The following LHPP variants were observed in gnomAD, a reference collection of about 807,000 sequenced individuals.
LHPP encodes phospholysine phosphohistidine inorganic pyrophosphate phosphatase.
A neutral mutation model predicts 30.3 loss-of-function variants in LHPP; 24 were observed. The ratio of observed to expected loss-of-function variants is 0.79; its 90% confidence interval spans 0.57 to 1.11. The LOEUF (loss-of-function observed/expected upper bound fraction) is 1.11, where lower values mean the gene tolerates loss of function less well. Among genes scored for constraint, LHPP ranks in the 50% most tolerant of loss-of-function variants. The pLI is 0.00. For synonymous variants in LHPP, 150 were observed against 157.1 expected (o/e 0.95, Z 0.34); for missense variants, 356 against 367.2 (o/e 0.97, Z 0.25).
intron 6 of LHPP, among the ~76,000 whole-genome samples, chr10:124,552,149 G>A (rs2133960177): frequency 6.6e-6 from 1 of 152,246 alleles, no homozygotes; most frequent in East Asian, 1.9e-4. Context: ...TTGCCCTCCA[G>A]CCTTTCCCCA....
chr10:124,527,551 C>T (rs11245259), intron 6 of LHPP, among the ~76,000 whole-genome samples: 79,363 of 152,042 alleles, frequency 0.52, 21,378 homozygotes, highest in South Asian at 0.68. Flanking sequence ...CTGGGGTGCC[C>T]TTTGCCCAGG....
At chr10:124,490,037 G>T (rs1953473005) in intron 3 of LHPP, 2 of 171,982 alleles carry the variant, frequency 1.2e-5, no homozygotes, top group Admixed American at 6.4e-5. Flanking sequence ...CTGTCTGTGG[G>T]TATCTCTCCC....
intron 6 of LHPP, among the ~76,000 whole-genome samples, chr10:124,587,759 A>AAAAAAC (rs1948824485): frequency 1.4e-5 from 2 of 143,114 alleles, no homozygotes; most frequent in African/African-American, 2.6e-5. Flanking sequence ...AAAAAAAAAA[A>AAAAAAC]AAAAAACCAA....
intron 5 of LHPP, among the ~76,000 whole-genome samples, chr10:124,513,337 G>A (rs983950755): frequency 2.6e-5 from 4 of 152,050 alleles, no homozygotes; most frequent in African/African-American, 9.7e-5. Context: ...TGGAATTACA[G>A]GCATGAGTCA....
At chr10:124,599,212 C>T (rs1291809760) in intron 6 of LHPP, among the ~76,000 whole-genome samples, 1 of 152,172 alleles carries the variant, frequency 6.6e-6, no homozygotes, top group Non-Finnish European at 1.5e-5. Context: ...CATCCGTCCC[C>T]AGCCATCCAT....
At chr10:124,604,946 G>A (rs1044190705) in intron 6 of LHPP, among the ~76,000 whole-genome samples, 4 of 152,242 alleles carry the variant, frequency 2.6e-5, no homozygotes, top group South Asian at 2.1e-4. Context: ...TGGGAGTCCC[G>A]GGCAGCTCAG....
chr10:124,566,168 C>T (rs1948487669), intron 6 of LHPP, among the ~76,000 whole-genome samples: 1 of 152,244 alleles, frequency 6.6e-6, no homozygotes, highest in Non-Finnish European at 1.5e-5. Flanking sequence ...TCACCTTCTC[C>T]AGTTACTTGA....
intron 6 of LHPP, among the ~76,000 whole-genome samples, chr10:124,608,634 G>A (rs1949126157): frequency 6.6e-6 from 1 of 152,322 alleles, no homozygotes. Flanking sequence ...TTTTGCCAGG[G>A]GGCTGATTTA....
At position 124,497,308 on chromosome 10, in the gene LHPP, G is replaced by GC. The variant is rs3842243; in HGVS notation, c.531+291dup. 2.0e-3 allele frequency among the ~76,000 whole-genome samples: 164 copies of GC among 82,164 alleles called. 4 individuals carry two copies. Among genetic ancestry groups the GC allele is most frequent in the Middle Eastern group, 6.2e-3 (1 of 162 alleles). 53.9% of individuals were successfully genotyped at this position (82,164 alleles called of 152,430 possible). A position where few individuals can be genotyped will look rare whatever the true frequency, so the allele number is the denominator to read the frequency against. ...TCCTCCCCATCCTCCAGTGGGCGCA[G>GC]CCCCCCCTGCCCGCCGTGGACCCTG... On this transcript the variant is annotated intron_variant, in intron 4 of 6. Coordinates refer to ENST00000368842, the MANE Select transcript of LHPP (RefSeq NM_022126.4).
chr10:124,475,016 G>A (rs917122810), intron 1 of LHPP, among the ~76,000 whole-genome samples: 4 of 88,130 alleles, frequency 4.5e-5, no homozygotes, highest in Non-Finnish European at 9.0e-5. Context: ...AAATGTGCCA[G>A]GTGCTTCTCA....
intron 3 of LHPP, among the ~76,000 whole-genome samples, chr10:124,489,072 G>A (rs1056403216): frequency 2.6e-5 from 4 of 152,198 alleles, no homozygotes; most frequent in South Asian, 2.1e-4. Flanking sequence ...TCAGTGTTTT[G>A]TCTGAGCCTT....
At chr10:124,555,019 G>C (rs993921233) in intron 6 of LHPP, among the ~76,000 whole-genome samples, 1 of 152,218 alleles carries the variant, frequency 6.6e-6, no homozygotes, top group Non-Finnish European at 1.5e-5. Flanking sequence ...TCTCACTTTA[G>C]GGTGAGGAAA....
rs562804272 is a variant in LHPP, at chr10:124,462,170, C to T, written c.125+183C>T. Among the ~76,000 whole-genome samples the T allele has an allele frequency of 3.3e-5, 5 of 152,292 alleles. No homozygotes were observed. In the South Asian group the frequency reaches 1.0e-3, roughly 32 times the overall value. On this transcript the variant is annotated intron_variant, in intron 1 of 6. Coordinates refer to ENST00000368842, the MANE Select transcript of LHPP (RefSeq NM_022126.4). Reference sequence around the variant, plus strand: ...CGGACGACCCCACTGTTGCCCCCGGCGAGCACCAGGACTCTGCTGGTTAGG... The same window carrying T: ...CGGACGACCCCACTGTTGCCCCCGGTGAGCACCAGGACTCTGCTGGTTAGG...
intron 1 of LHPP, among the ~76,000 whole-genome samples, chr10:124,469,760 T>G (rs1340297303): frequency 3.9e-5 from 6 of 151,918 alleles, no homozygotes; most frequent in Admixed American, 1.3e-4. Context: ...AGTGAACAGG[T>G]GGAGCCGATG....
At chr10:124,503,131 G>T (rs751211168) in intron 5 of LHPP, among the ~76,000 whole-genome samples, 2 of 150,986 alleles carry the variant, frequency 1.3e-5, no homozygotes, top group Non-Finnish European at 2.9e-5. Context: ...GTGCAGTGGT[G>T]CCTGGGCTCA....
In LHPP at chr10:124,584,118, T is replaced by G. The variant is rs1318002793; in HGVS notation, c.717-29146T>G. ...CCAATTTGGGGAGTGTCTTAGTCCA[T>G]TTGTGCTGCTATAACAAAATACCTG... On this transcript the variant is annotated intron_variant, in intron 6 of 6. Coordinates refer to ENST00000368842, the MANE Select transcript of LHPP (RefSeq NM_022126.4). Among the ~76,000 whole-genome samples, 7 of 152,174 alleles carry G rather than the reference T, an allele frequency of 4.6e-5. No homozygotes were observed. In the East Asian group the frequency reaches 1.2e-3, roughly 25 times the overall value.
chr10:124,469,107 T>G (rs1426902702), intron 1 of LHPP, among the ~76,000 whole-genome samples: 1 of 152,078 alleles, frequency 6.6e-6, no homozygotes, highest in African/African-American at 2.4e-5. Flanking sequence ...CTCCTTGATA[T>G]GTACAGCCTG....
chr10:124,463,820 C>CT (rs35122241), intron 1 of LHPP, among the ~76,000 whole-genome samples: 6,412 of 120,612 alleles, frequency 0.053, 259 homozygotes, highest in Middle Eastern at 0.097. Flanking sequence ...ATTTTTTTTT[C>CT]TTTTTTTTTT....
intron 6 of LHPP, among the ~76,000 whole-genome samples, chr10:124,574,684 G>A (rs1011783584): frequency 2.0e-5 from 3 of 152,204 alleles, no homozygotes; most frequent in Non-Finnish European, 2.9e-5. Flanking sequence ...TTTGGGCCCC[G>A]TAGGGCCAGA....
Sources: allele counts gnomAD v4.1 joint callset (sites outside exome capture counted in the v4.1 genomes callset), GRCh38; gene constraint gnomAD v4.1.1; transcripts MANE v1.5; gene names NCBI Gene and HGNC (gene_info 2026-07-23, HGNC 2026-07-21).